Variants in STC2 observed in about 807,000 individuals in gnomAD.
The protein encoded by STC2 is stanniocalcin 2.
In STC2, 7 loss-of-function variants were observed where a neutral mutation model predicts 22.7. The observed-to-expected ratio is 0.31, with a 90% CI of 0.18 to 0.58. The LOEUF is 0.58. Ranked by LOEUF, STC2 falls within the 20% of genes least tolerant of loss-of-function variation. The probability of loss-of-function intolerance (pLI) is 0.89; values close to 1 mark genes in which losing one functional copy is unlikely to be tolerated. For synonymous variants in STC2, 158 were observed against 163.4 expected (o/e 0.97, Z 0.25); for missense variants, 336 against 406.2 (o/e 0.83, Z 1.48).
intron 3 of STC2, among the ~76,000 whole-genome samples, chr5:173,321,130 C>T (rs1762480089): frequency 6.6e-6 from 1 of 151,752 alleles, no homozygotes; most frequent in Non-Finnish European, 1.5e-5. Context: ...GGGTCATAGG[C>T]TCATTCTGAA....
rs11554179 is a variant in STC2 at position 173,318,087 on chromosome 5, G to A, written c.669C>T (p.Pro223=). ...TTCTGTCCACCTGGGGCTGGCGCTCGGGGGGCGCCGTGGGAGGCTTCTGGA... is the reference window on the plus strand; with the variant it reads ...TTCTGTCCACCTGGGGCTGGCGCTCAGGGGGCGCCGTGGGAGGCTTCTGGA... ...SAIQKPPTAP[P]ERQPQVDRTK... The change falls in exon 4 of 4, where the codon CCC becomes CCT. Residue 223 remains proline, a synonymous_variant. Transcript: ENST00000265087. 2,729 of 1,605,886 alleles carry A rather than the reference G, an allele frequency of 1.7e-3. 2 individuals carry two copies. The highest frequency in any genetic ancestry group is 2.1e-3 in the Non-Finnish European group (2,433 of 1,177,200).
intron 3 of STC2, among the ~76,000 whole-genome samples, chr5:173,321,025 C>G (rs955730200): frequency 6.6e-6 from 1 of 151,896 alleles, no homozygotes; most frequent in African/African-American, 2.4e-5. Context: ...GAGACCCCTG[C>G]CTAGAGATGC....
Position 173,315,475 on chromosome 5 carries a change from T to C in STC2, c.*2372A>G, listed in dbSNP as rs552308936. 1.3e-5 allele frequency: 2 copies of C among 152,136 alleles called. No individual in the cohort carries two copies. Among genetic ancestry groups the C allele is most frequent in the Non-Finnish European group, 2.9e-5 (2 of 68,034 alleles). The allele number at this position is 152,136 out of a possible 1,614,324, so 9.4% of individuals were successfully genotyped here. On this transcript the variant is annotated 3_prime_UTR_variant, in exon 4 of 4. Coordinates refer to ENST00000265087, the MANE Select transcript of STC2 (RefSeq NM_003714.3). ...GAACACAGTAAACCATTTTATGCCT[T>C]AGGGGGAAAACACAGAGATAATAAA...
Position 173,315,837 on chromosome 5 carries a change from C to G in STC2, c.*2010G>C, listed in dbSNP as rs1031171852. On this transcript the variant is annotated 3_prime_UTR_variant, in exon 4 of 4. Transcript: ENST00000265087. ...GCACCAGCTCTTCTGTTCTCTGCAG[C>G]CCCAGATCTTGCTGGGTGCCCAGGG... 3.9e-5 allele frequency: 6 copies of G among 152,364 alleles called. No individual in the cohort carries two copies. Among genetic ancestry groups the G allele is most frequent in the Admixed American group, 2.0e-4 (3 of 15,302 alleles). 9.4% of individuals were successfully genotyped at this position (152,364 alleles called of 1,614,324 possible).
At position 173,318,085 on chromosome 5, in the gene STC2, T is replaced by G. The variant is rs1762446032; in HGVS notation, c.671A>C (p.Glu224Ala). The G allele has an allele frequency of 2.5e-6, 4 of 1,607,342 alleles. No individual in the cohort carries two copies. Residue 224 changes from glutamate (E) to alanine (A), a missense_variant, in exon 4 of 4, where the codon GAG becomes GCG. This residue lies in a region of STC2 where 215 missense variants were observed against 231.5 expected (regional missense o/e 0.93). Transcript: ENST00000265087. Reference protein sequence around the residue: ...AIQKPPTAPPERQPQVDRTKL... With the variant: ...AIQKPPTAPPARQPQVDRTKL... ...GGTTCTGTCCACCTGGGGCTGGCGC[T>G]CGGGGGGCGCCGTGGGAGGCTTCTG...
chr5:173,322,563 G>C (rs1289551234), intron 3 of STC2, among the ~76,000 whole-genome samples: 1 of 152,190 alleles, frequency 6.6e-6, no homozygotes, highest in Non-Finnish European at 1.5e-5. Flanking sequence ...TATGAGAGAA[G>C]GTAAACCGAA....
At chr5:173,322,746 T>C (rs146170504) in intron 3 of STC2, among the ~76,000 whole-genome samples, 1 of 152,332 alleles carries the variant, frequency 6.6e-6, no homozygotes, top group East Asian at 1.9e-4. Context: ...GTCTCAGTTT[T>C]CTCATCTGTC....
Position 173,318,073 on chromosome 5 carries a change from T to A in STC2, c.683A>T (p.Gln228Leu), listed in dbSNP as rs1299923955. 1 of 1,607,684 alleles carries A rather than the reference T, an allele frequency of 6.2e-7. No individual in the cohort carries two copies. The highest frequency in any genetic ancestry group is 1.7e-5 in the Admixed American group (1 of 58,950). ...CCTGGAGAGCTTGGTTCTGTCCACC[T>A]GGGGCTGGCGCTCGGGGGGCGCCGT... ...PPTAPPERQP[Q>L]VDRTKLSRAH... The change falls in exon 4 of 4, where the codon CAG (glutamine) becomes CTG (leucine). Residue 228 changes from glutamine (Q) to leucine (L), a missense_variant. Physicochemically the swap from Gln to Leu is moderately radical, Grantham distance 113. Transcript: ENST00000265087.
Position 173,315,478 on chromosome 5 carries a change from G to C in STC2, c.*2369C>G, listed in dbSNP as rs1456570065. On this transcript the variant is annotated 3_prime_UTR_variant, in exon 4 of 4. Transcript: ENST00000265087. ...CACAGTAAACCATTTTATGCCTTAG[G>C]GGGAAAACACAGAGATAATAAATAC... is the stretch of plus-strand genomic sequence containing the variant. 2.0e-5 allele frequency: 3 copies of C among 152,078 alleles called. No homozygotes were observed. Among genetic ancestry groups the C allele is most frequent in the Non-Finnish European group, 4.4e-5 (3 of 68,022 alleles). 9.4% of individuals were successfully genotyped at this position (152,078 alleles called of 1,614,324 possible).
intron 1 of STC2, chr5:173,326,834 AG>A (rs1762553371): frequency 6.6e-6 from 1 of 152,188 alleles, no homozygotes; most frequent in South Asian, 2.1e-4. Context: ...CAGCGTGCAA[AG>A]CCTCTTCCCT....
chr5:173,327,442 T>C (rs548810514), intron 1 of STC2, among the ~76,000 whole-genome samples: 21 of 152,378 alleles, frequency 1.4e-4, no homozygotes, highest in African/African-American at 5.0e-4. Flanking sequence ...CTTGCTGACC[T>C]GGCCAGGAGC....
chr5:173,318,164 C>T lies in STC2; in HGVS notation c.592G>A (p.Glu198Lys). The change falls in exon 4 of 4, where the codon GAG becomes AAG. Residue 198 changes from glutamate to lysine, a missense_variant. Around this residue, in one of 3 missense-constraint regions of STC2, gnomAD observed 215 missense variants for 231.5 expected, o/e 0.93. Coordinates refer to ENST00000265087, the MANE Select transcript of STC2 (RefSeq NM_003714.3). ...AITHSVQVQC[E>K]QNWGSLCSIL... ...GAGCACAGGCTTCCCCAGTTCTGCTCACACTGAACCTGCACGCTGTGGGTG... is the reference window on the plus strand; with the variant it reads ...GAGCACAGGCTTCCCCAGTTCTGCTTACACTGAACCTGCACGCTGTGGGTG... 1.9e-6 allele frequency: 3 copies of T among 1,598,040 alleles called. No homozygotes were observed. Among genetic ancestry groups the T allele is most frequent in the African/African-American group, 1.4e-5 (1 of 73,976 alleles).
intron 3 of STC2, chr5:173,322,994 C>T (rs1170156582): frequency 1.7e-6 from 1 of 579,110 alleles, no homozygotes; most frequent in African/African-American, 1.9e-5. Flanking sequence ...TTTCCCATTT[C>T]TGTTGCTTGT....
At position 173,317,913 on chromosome 5, in the gene STC2, A is replaced by G. The variant is rs534288508; in HGVS notation, c.843T>C (p.Ala281=). 70 of 1,611,878 alleles carry G rather than the reference A, an allele frequency of 4.3e-5. No individual in the cohort carries two copies. The South Asian group carries it at 7.1e-4, about 16-fold the overall frequency. Residue 281 remains alanine, a synonymous_variant, in exon 4 of 4, where the codon GCT becomes GCC. Transcript: ENST00000265087. Reference sequence around the variant, plus strand: ...ACTCGCTGCTTCCGGAAGGTCCCTGAGCCCCAAGGCCCCCGACTCTGCCTC... The same window carrying G: ...ACTCGCTGCTTCCGGAAGGTCCCTGGGCCCCAAGGCCCCCGACTCTGCCTC... ...HARGRVGGLG[A]QGPSGSSEWE... is the part of the protein sequence containing the mutation.
chr5:173,318,269 AGAG>A lies in STC2; in HGVS notation c.507-23_507-21del, dbSNP rs1762449707. On this transcript the variant is annotated intron_variant, in intron 3 of 3. Transcript: ENST00000265087. ...TAGGGTCTAAAGATTGAAAGCAAAG[AGAG>A]AGAGAGAGAGAGAGAGAGAGAGAGA... 2 of 744,080 alleles carry A rather than the reference AGAG, an allele frequency of 2.7e-6. No individual in the cohort carries two copies. The highest frequency in any genetic ancestry group is 3.5e-6 in the Non-Finnish European group (2 of 576,326). The allele number at this position is 744,080 out of a possible 1,614,324, so 46.1% of individuals were successfully genotyped here.
chr5:173,321,322 C>T (rs979421137), intron 3 of STC2, among the ~76,000 whole-genome samples: 16 of 152,280 alleles, frequency 1.1e-4, no homozygotes, highest in South Asian at 6.2e-4. Context: ...TGCATTATAG[C>T]CTTATAAACT....
At chr5:173,322,976 T>A in intron 3 of STC2, 1 of 558,226 alleles carries the variant, frequency 1.8e-6, no homozygotes, top group Non-Finnish European at 3.2e-6. Context: ...TCATTCTTAG[T>A]AAAACGATTT....
chr5:173,328,099 T>G lies in STC2; in HGVS notation c.95A>C (p.Glu32Ala). 1 of 1,601,040 alleles carries G rather than the reference T, an allele frequency of 6.2e-7. No individual in the cohort carries two copies. Among genetic ancestry groups the G allele is most frequent in the Non-Finnish European group, 8.5e-7 (1 of 1,173,830 alleles). ...ARGTDATNPP[E>A]GPQDRSSQQK... Reference sequence around the variant, plus strand: ...CTGGGAGCTCCTGTCTTGGGGACCCTCGGGTGGGTTGGTGGCGTCGGTCCC... The same window carrying G: ...CTGGGAGCTCCTGTCTTGGGGACCCGCGGGTGGGTTGGTGGCGTCGGTCCC... Residue 32 changes from glutamate to alanine, a missense_variant, in exon 1 of 4, where the codon GAG becomes GCG. By Grantham distance (107) the Glu-to-Ala change is moderately radical. Coordinates refer to ENST00000265087, the MANE Select transcript of STC2 (RefSeq NM_003714.3).
chr5:173,320,235 C>T (rs1031603795), intron 3 of STC2, among the ~76,000 whole-genome samples: 107 of 152,308 alleles, frequency 7.0e-4, no homozygotes, highest in African/African-American at 2.4e-3. Flanking sequence ...GACTGTCTTT[C>T]GCCTTCCCGG....
Sources: allele counts gnomAD v4.1 joint callset (sites outside exome capture counted in the v4.1 genomes callset), GRCh38; gene constraint gnomAD v4.1.1; regional missense constraint gnomAD v4.1.1; transcripts MANE v1.5; gene names NCBI Gene and HGNC (gene_info 2026-07-23, HGNC 2026-07-21).